CBFA2T2: variants seen among roughly 807,000 people sequenced by gnomAD.
The protein encoded by CBFA2T2 is CBFA2/RUNX1 partner transcriptional co-repressor 2.
CBFA2T2 carries 11 observed loss-of-function variants against 62.2 expected under a neutral mutation model. The observed-to-expected ratio is 0.18, with a 90% CI of 0.11 to 0.29. The LOEUF (loss-of-function observed/expected upper bound fraction) is 0.29, where lower values mean the gene tolerates loss of function less well. Among genes scored for constraint, CBFA2T2 ranks in the 10% least tolerant of loss-of-function variants. The pLI is 1.00. For missense variants in CBFA2T2, 592 were observed against 774.1 expected (o/e 0.76, Z 2.79); for synonymous variants, 295 against 287.5 (o/e 1.03, Z -0.27).
chr20:33,521,067 T>C (rs2011717996), intron 1 of CBFA2T2, among the ~76,000 whole-genome samples: 1 of 151,354 alleles, frequency 6.6e-6, no homozygotes, highest in Non-Finnish European at 1.5e-5. Flanking sequence ...GGGACATTTC[T>C]CGGAGGATTT....
intron 1 of CBFA2T2, among the ~76,000 whole-genome samples, chr20:33,496,216 A>G (rs1422975628): frequency 6.6e-6 from 1 of 152,174 alleles, no homozygotes; most frequent in Non-Finnish European, 1.5e-5. Context: ...GGCTGAAGGT[A>G]GTTGAGGGCT....
chr20:33,564,686 C>G (rs1265761552), intron 1 of CBFA2T2, among the ~76,000 whole-genome samples: 1 of 152,002 alleles, frequency 6.6e-6, no homozygotes, highest in Non-Finnish European at 1.5e-5. Context: ...CTTCAGTGAT[C>G]CTCCCACCCT....
chr20:33,490,904 C>G lies in CBFA2T2; in HGVS notation c.34+603C>G, dbSNP rs150932170. 3.2e-3 allele frequency among the ~76,000 whole-genome samples: 488 copies of G among 152,310 alleles called. 3 individuals carry two copies. Among genetic ancestry groups the G allele is most frequent in the African/African-American group, 0.011 (452 of 41,580 alleles). ...CTTGACACCGACCGTGGCACACACA[C>G]AATTGTGAAAACTGTCATTATTGTA... On this transcript the variant is annotated intron_variant, in intron 1 of 10. Transcript: ENST00000342704.
chr20:33,529,818 CTT>C (rs1313145369), intron 1 of CBFA2T2, among the ~76,000 whole-genome samples: 1 of 136,136 alleles, frequency 7.3e-6, no homozygotes, highest in Non-Finnish European at 1.5e-5. Flanking sequence ...GAGTTTTGCT[CTT>C]GTTACACAGG....
rs192844609 is a variant in CBFA2T2, at chr20:33,586,202, G to A, written c.35-20754G>A. ...TTTTGTTTGTTTTGTTTTTTGAGAC[G>A]GAGTCTTCCTCTGTCACCCAGGCTG... On this transcript the variant is annotated intron_variant, in intron 1 of 10. Coordinates refer to ENST00000342704, the MANE Select transcript of CBFA2T2 (RefSeq NM_001032999.3). Among the ~76,000 whole-genome samples the A allele has an allele frequency of 5.9e-5, 9 of 152,158 alleles. No homozygotes were observed. The East Asian group carries it at 9.6e-4, about 16-fold the overall frequency.
At chr20:33,598,758 G>A (rs1237286918) in intron 1 of CBFA2T2, among the ~76,000 whole-genome samples, 1 of 152,216 alleles carries the variant, frequency 6.6e-6, no homozygotes, top group Non-Finnish European at 1.5e-5. Context: ...TTTATGTTTA[G>A]AGATTGCAGT....
At chr20:33,643,587 G>C (rs570963328) in intron 10 of CBFA2T2, among the ~76,000 whole-genome samples, 1 of 151,176 alleles carries the variant, frequency 6.6e-6, no homozygotes, top group African/African-American at 2.4e-5. Flanking sequence ...AGCAGCCTTC[G>C]TTGAGTCAGA....
chr20:33,542,541 T>C (rs1427976701), intron 1 of CBFA2T2, among the ~76,000 whole-genome samples: 1 of 152,216 alleles, frequency 6.6e-6, no homozygotes, highest in Admixed American at 6.5e-5. Flanking sequence ...GTATATATAT[T>C]GTGGACATAT....
At chr20:33,534,507 T>G (rs1412234233) in intron 1 of CBFA2T2, among the ~76,000 whole-genome samples, 2 of 152,010 alleles carry the variant, frequency 1.3e-5, no homozygotes, top group Admixed American at 6.6e-5. Flanking sequence ...GAGACGAGGT[T>G]TCACCATGTT....
chr20:33,634,670 CAAAAAAAAAAA>C lies in CBFA2T2; in HGVS notation c.1229-1954_1229-1944del, dbSNP rs758089440. On this transcript the variant is annotated intron_variant, in intron 8 of 10. Transcript: ENST00000342704. ...GGGCAACAGAGCAAGACCCTATGTC[CAAAAAAAAAAA>C]AAAAAAAAAAAAAAAGAATCTGAAT... Among the ~76,000 whole-genome samples the C allele has an allele frequency of 6.7e-3, 319 of 47,918 alleles. 4 individuals are homozygous for C. The highest frequency in any genetic ancestry group is 0.021 in the Middle Eastern group (1 of 48). 31.4% of individuals were successfully genotyped at this position (47,918 alleles called of 152,430 possible).
chr20:33,500,235 G>A (rs532024575), intron 1 of CBFA2T2, among the ~76,000 whole-genome samples: 12 of 152,152 alleles, frequency 7.9e-5, no homozygotes, highest in South Asian at 2.1e-4. Flanking sequence ...GATTATAGAC[G>A]TGAGCCACTG....
chr20:33,624,070 CAATT>C (rs1200624729), intron 5 of CBFA2T2: 9 of 527,122 alleles, frequency 1.7e-5, no homozygotes, highest in Admixed American at 7.4e-5. Flanking sequence ...AAAAGTATAG[CAATT>C]AATTATTAAT....
chr20:33,643,312 A>G (rs2016919323), intron 10 of CBFA2T2, among the ~76,000 whole-genome samples: 1 of 152,166 alleles, frequency 6.6e-6, no homozygotes, highest in South Asian at 2.1e-4. Flanking sequence ...ACAGTGGCCC[A>G]TGCCTGTAAT....
chr20:33,549,730 T>C (rs535710705), intron 1 of CBFA2T2, among the ~76,000 whole-genome samples: 1 of 152,322 alleles, frequency 6.6e-6, no homozygotes, highest in Non-Finnish European at 1.5e-5. Context: ...CTGTATATTA[T>C]ACCTCAATAA....
At chr20:33,568,749 C>T (rs2013438396) in intron 1 of CBFA2T2, among the ~76,000 whole-genome samples, 1 of 152,148 alleles carries the variant, frequency 6.6e-6, no homozygotes, top group Admixed American at 6.5e-5. Context: ...GCCCCAGCTG[C>T]CACCCTTGCG....
At chr20:33,542,124 A>G (rs570694839) in intron 1 of CBFA2T2, among the ~76,000 whole-genome samples, 1 of 152,360 alleles carries the variant, frequency 6.6e-6, no homozygotes, top group South Asian at 2.1e-4. Context: ...TATTCTGATT[A>G]CTTGGTTCTG....
intron 3 of CBFA2T2, among the ~76,000 whole-genome samples, chr20:33,617,640 C>T (rs2015759027): frequency 6.6e-6 from 1 of 152,162 alleles, no homozygotes; most frequent in South Asian, 2.1e-4. Flanking sequence ...GCTTCCCTTG[C>T]AGTAGATATA....
chr20:33,644,969 C>T lies in CBFA2T2; in HGVS notation c.*323C>T, dbSNP rs986692044. On this transcript the variant is annotated 3_prime_UTR_variant, in exon 11 of 11. Transcript: ENST00000342704. ...GACCACCAGCTCCCCTCCCCATCTC[C>T]TTGAGTCAGCAGACTGTCCAATGTG... The T allele has an allele frequency of 2.0e-5, 6 of 297,262 alleles. No homozygotes were observed. The South Asian group carries it at 3.5e-4, about 17-fold the overall frequency. The allele number at this position is 297,262 out of a possible 1,614,324, so 18.4% of individuals were successfully genotyped here.
intron 9 of CBFA2T2, among the ~76,000 whole-genome samples, chr20:33,638,495 C>T (rs961447855): frequency 5.3e-5 from 8 of 152,046 alleles, no homozygotes; most frequent in Non-Finnish European, 1.2e-4. Flanking sequence ...TAAAATGTAC[C>T]TAAGAGCATT....
Sources: allele counts gnomAD v4.1 joint callset (sites outside exome capture counted in the v4.1 genomes callset), GRCh38; gene constraint gnomAD v4.1.1; transcripts MANE v1.5; gene names NCBI Gene and HGNC (gene_info 2026-07-23, HGNC 2026-07-21).